SLC35F4: variants seen among roughly 807,000 people sequenced by gnomAD.
SLC35F4 encodes the protein solute carrier family 35 member F4.
A neutral mutation model predicts 44.2 loss-of-function variants in SLC35F4; 24 were observed. That is an observed-to-expected ratio of 0.54 (90% confidence interval 0.39 to 0.76). The LOEUF is 0.76. Among genes scored for constraint, SLC35F4 ranks in the 30% least tolerant of loss-of-function variants. The probability of loss-of-function intolerance (pLI) is 0.00; values close to 1 mark genes in which losing one functional copy is unlikely to be tolerated. For synonymous variants in SLC35F4, 238 were observed against 223.6 expected, an observed-to-expected ratio of 1.06 and a Z score of -0.57; for missense variants, 562 against 586.1, an observed-to-expected ratio of 0.96 and a Z score of 0.42.
At chr14:57,834,301 A>G (rs1209586918) in intron 1 of SLC35F4, among the ~76,000 whole-genome samples, 3 of 152,222 alleles carry the variant, frequency 2.0e-5, no homozygotes, top group Non-Finnish European at 2.9e-5. Flanking sequence ...CTGAATAACT[A>G]CAGCACATTG....
intron 1 of SLC35F4, among the ~76,000 whole-genome samples, chr14:57,742,740 A>T (rs1246463119): frequency 6.6e-6 from 1 of 152,198 alleles, no homozygotes; most frequent in Non-Finnish European, 1.5e-5. Flanking sequence ...ACATCTACAG[A>T]ACTCTCCACC....
In SLC35F4 at chr14:57,581,129, C is replaced by G. The variant is rs901067462; in HGVS notation, c.807+85G>C. 3 of 1,353,844 alleles carry G rather than the reference C, an allele frequency of 2.2e-6. No homozygotes were observed. In the African/African-American group the frequency reaches 4.4e-5, roughly 20 times the overall value. 83.9% of individuals were successfully genotyped at this position (1,353,844 alleles called of 1,614,324 possible). On this transcript the variant is annotated intron_variant, in intron 4 of 7. Transcript: ENST00000556826. ...AGTGAGAAAAGTTTTACAGCAACTC[C>G]ACGAAACAAAGCAGACAGGCTCTCC...
intron 1 of SLC35F4, among the ~76,000 whole-genome samples, chr14:57,737,737 T>A (rs1474033287): frequency 6.6e-6 from 1 of 152,200 alleles, no homozygotes; most frequent in African/African-American, 2.4e-5. Context: ...CAAAGAGTGA[T>A]GAAACGCTAA....
intron 1 of SLC35F4, among the ~76,000 whole-genome samples, chr14:57,682,821 G>A (rs1594786928): frequency 6.6e-6 from 1 of 151,994 alleles, no homozygotes; most frequent in Non-Finnish European, 1.5e-5. Flanking sequence ...ATCTCACTGT[G>A]TCTCAATGTC....
chr14:57,667,754 T>C (rs1378889799), intron 1 of SLC35F4, among the ~76,000 whole-genome samples: 1 of 151,668 alleles, frequency 6.6e-6, no homozygotes, highest in Non-Finnish European at 1.5e-5. Flanking sequence ...TTTGGGTTGG[T>C]TCCGAGTCTT....
At chr14:57,855,939 A>G (rs1887040368) in intron 1 of SLC35F4, among the ~76,000 whole-genome samples, 1 of 152,106 alleles carries the variant, frequency 6.6e-6, no homozygotes, top group African/African-American at 2.4e-5. Flanking sequence ...TATCACAAGA[A>G]CAGAAAAACA....
At chr14:57,765,064 A>G (rs2077204224) in intron 1 of SLC35F4, among the ~76,000 whole-genome samples, 1 of 152,216 alleles carries the variant, frequency 6.6e-6, no homozygotes, top group South Asian at 2.1e-4. Context: ...CGCTGCTAAC[A>G]GACTATGTCC....
At chr14:57,584,907 G>A (rs1007162503) in intron 3 of SLC35F4, among the ~76,000 whole-genome samples, 3 of 152,058 alleles carry the variant, frequency 2.0e-5, no homozygotes, top group African/African-American at 4.8e-5. Flanking sequence ...GGTGCACATA[G>A]GTATCTTCAA....
In SLC35F4 at chr14:57,589,205, A is replaced by G; in HGVS notation, c.587+11T>C. The G allele has an allele frequency of 2.5e-6, 4 of 1,594,832 alleles. No individual in the cohort carries two copies. Among genetic ancestry groups the G allele is most frequent in the South Asian group, 1.1e-5 (1 of 86,992 alleles). On this transcript the variant is annotated intron_variant, in intron 3 of 7. Coordinates refer to ENST00000556826, the MANE Select transcript of SLC35F4 (RefSeq NM_001306087.2). Reference sequence around the variant, plus strand: ...AATGATCTCTTATTGGGCAGTTAACATGAAACCTACCTGAATTTTTTCATT... The same window carrying G: ...AATGATCTCTTATTGGGCAGTTAACGTGAAACCTACCTGAATTTTTTCATT...
chr14:57,934,391 C>A (rs763190567), intron 1 of SLC35F4, among the ~76,000 whole-genome samples: 10 of 149,510 alleles, frequency 6.7e-5, no homozygotes, highest in Non-Finnish European at 1.5e-4. Flanking sequence ...AGAATACCTC[C>A]GGAACATGAA....
chr14:57,969,210 A>G (rs1033472945), intron 1 of SLC35F4, among the ~76,000 whole-genome samples: 3 of 152,216 alleles, frequency 2.0e-5, no homozygotes, highest in Non-Finnish European at 4.4e-5. Context: ...ATTATGCTTA[A>G]TCAAAGAAAG....
chr14:57,825,835 G>C (rs1486842210), intron 1 of SLC35F4, among the ~76,000 whole-genome samples: 23 of 152,088 alleles, frequency 1.5e-4, no homozygotes, highest in Admixed American at 1.5e-3. Flanking sequence ...TCTTCAAGGA[G>C]AACTACCTAC....
intron 4 of SLC35F4, chr14:57,579,371 A>G (rs1469247444): frequency 1.3e-5 from 2 of 152,240 alleles, no homozygotes; most frequent in Non-Finnish European, 2.9e-5. Context: ...CTATTTAAAG[A>G]TAAGTTACAC....
chr14:57,629,736 G>A, intron 1 of SLC35F4: 1 of 264,346 alleles, frequency 3.8e-6, no homozygotes, highest in Non-Finnish European at 7.5e-6. Flanking sequence ...AGATACATGG[G>A]CACATAAGAC....
At chr14:57,603,421 C>G (rs978333077) in intron 1 of SLC35F4, among the ~76,000 whole-genome samples, 1 of 152,170 alleles carries the variant, frequency 6.6e-6, no homozygotes, top group South Asian at 2.1e-4. Context: ...AGTTCCCCCT[C>G]CCTCATTATA....
intron 1 of SLC35F4, among the ~76,000 whole-genome samples, chr14:57,959,633 C>G (rs2141086921): frequency 6.6e-6 from 1 of 152,284 alleles, no homozygotes; most frequent in South Asian, 2.1e-4. Flanking sequence ...CCATGAGCAG[C>G]ACTGTAGGTT....
chr14:57,873,610 T>C (rs1240142811), intron 1 of SLC35F4, among the ~76,000 whole-genome samples: 1 of 152,190 alleles, frequency 6.6e-6, no homozygotes, highest in Non-Finnish European at 1.5e-5. Flanking sequence ...ACATATTTTT[T>C]AATGCAGGGG....
In SLC35F4 at chr14:57,865,674, G is replaced by A. The variant is rs557175974; in HGVS notation, c.103+49C>T. 405 of 1,459,780 alleles carry A rather than the reference G, an allele frequency of 2.8e-4. 1 individual carries two copies. In the African/African-American group the frequency reaches 5.1e-3, roughly 18 times the overall value. 90.4% of individuals were successfully genotyped at this position (1,459,780 alleles called of 1,614,324 possible). The stretch of plus-strand genomic sequence containing the variant: ...CCGCATCCCCGCGGCACCCCTGCGC[G>A]CCCACCTCCCTTCCCCGCCTCGCGC... On this transcript the variant is annotated intron_variant, in intron 1 of 7. Transcript: ENST00000556826.
At chr14:57,846,473 G>A (rs1052973853) in intron 1 of SLC35F4, among the ~76,000 whole-genome samples, 25 of 152,118 alleles carry the variant, frequency 1.6e-4, no homozygotes, top group African/African-American at 5.6e-4. Flanking sequence ...TCGTTTTTCC[G>A]AGATTCTAGC....
Sources: allele counts gnomAD v4.1 joint callset (sites outside exome capture counted in the v4.1 genomes callset), GRCh38; gene constraint gnomAD v4.1.1; transcripts MANE v1.5; gene names NCBI Gene and HGNC (gene_info 2026-07-23, HGNC 2026-07-21).